SH3TC2: variants seen among roughly 807,000 people sequenced by gnomAD.
SH3TC2 encodes SH3 domain and tetratricopeptide repeat-containing protein 2.
In SH3TC2, 87 loss-of-function variants were observed where a neutral mutation model predicts 124.5. The ratio of observed to expected loss-of-function variants is 0.70; its 90% CI spans 0.59 to 0.84. The LOEUF is 0.84. Ranked by LOEUF, SH3TC2 falls within the 40% of genes least tolerant of loss-of-function variation. The probability of loss-of-function intolerance (pLI) is 0.00; values close to 1 mark genes in which losing one functional copy is unlikely to be tolerated. For missense variants in SH3TC2, 1,536 were observed against 1,566.4 expected, an observed-to-expected ratio of 0.98 and a Z score of 0.33; for synonymous variants, 634 against 628.5, an observed-to-expected ratio of 1.01 and a Z score of -0.13.
intron 7 of SH3TC2, among the ~76,000 whole-genome samples, chr5:149,039,618 A>C (rs1287562902): frequency 6.6e-6 from 1 of 152,230 alleles, no homozygotes; most frequent in African/African-American, 2.4e-5. Flanking sequence ...AAACTGTGCA[A>C]AGTGATTTAT....
chr5:149,017,402 C>G (rs77187693), intron 12 of SH3TC2, among the ~76,000 whole-genome samples: 2,371 of 152,152 alleles, frequency 0.016, 42 homozygotes, highest in Non-Finnish European at 0.024. Context: ...CTGTAGTTGT[C>G]CCCTGGAAGG....
chr5:149,030,596 T>C (rs1333532237), intron 9 of SH3TC2, among the ~76,000 whole-genome samples: 1 of 152,258 alleles, frequency 6.6e-6, no homozygotes, highest in Non-Finnish European at 1.5e-5. Flanking sequence ...GATCTGCTTG[T>C]GGCTTGTGGC....
At position 149,001,475 on chromosome 5, in the gene SH3TC2, A is replaced by AT. The variant is rs34419119; in HGVS notation, c.*3235dup. 6.6e-6 allele frequency: 1 copy of AT among 152,156 alleles called. No individual in the cohort carries two copies. The highest frequency in any genetic ancestry group is 2.4e-5 in the African/African-American group (1 of 41,414). 9.4% of individuals were successfully genotyped at this position (152,156 alleles called of 1,614,324 possible). A position where few individuals can be genotyped will look rare whatever the true frequency, so the allele number is the denominator to read the frequency against. On this transcript the variant is annotated 3_prime_UTR_variant, in exon 17 of 17. Transcript: ENST00000515425. ...GATCATGTTTGGCTATGATACACTT[A>AT]TTTTTTTAAATGTTTAAGTAGAGAC...
intron 1 of SH3TC2, among the ~76,000 whole-genome samples, chr5:149,060,192 A>G (rs1327712359): frequency 1.3e-5 from 2 of 152,222 alleles, no homozygotes; most frequent in Non-Finnish European, 2.9e-5. Flanking sequence ...TCAAACAGGC[A>G]TTGAAAATAA....
chr5:148,996,301 G>A lies in SH3TC2; in HGVS notation c.*8410C>T, dbSNP rs1293335141. On this transcript the variant is annotated 3_prime_UTR_variant, in exon 17 of 17. Transcript: ENST00000515425. Reference sequence around the variant, plus strand: ...AGAGAGAGAGAGAAACAGACAGATGGACTTTATACAACTTGGAAAGAAAGA... The same window carrying A: ...AGAGAGAGAGAGAAACAGACAGATGAACTTTATACAACTTGGAAAGAAAGA... Among the ~76,000 whole-genome samples, 1 of 151,886 alleles carries A rather than the reference G, an allele frequency of 6.6e-6. No homozygotes were observed. Among genetic ancestry groups the A allele is most frequent in the Non-Finnish European group, 1.5e-5 (1 of 67,968 alleles).
chr5:149,054,747 A>G (rs982479456), intron 1 of SH3TC2, among the ~76,000 whole-genome samples: 3 of 152,202 alleles, frequency 2.0e-5, no homozygotes, highest in African/African-American at 7.2e-5. Flanking sequence ...TCTGCAGGGC[A>G]TTTGTTCTCC....
At position 148,999,938 on chromosome 5, in the gene SH3TC2, T is replaced by C. The variant is rs1263872839; in HGVS notation, c.*4773A>G. On this transcript the variant is annotated 3_prime_UTR_variant, in exon 17 of 17. Coordinates refer to ENST00000515425, the MANE Select transcript of SH3TC2 (RefSeq NM_024577.4). ...CCTGTTCTCAGAAAACATCACCCCC[T>C]GTCCACCCTCTGGACCTTTGCTTGA... is the stretch of plus-strand genomic sequence containing the variant. Among the ~76,000 whole-genome samples the C allele has an allele frequency of 6.6e-6, 1 of 152,156 alleles. No individual in the cohort carries two copies. Among genetic ancestry groups the C allele is most frequent in the East Asian group, 1.9e-4 (1 of 5,190 alleles).
chr5:149,004,800 T>C lies in SH3TC2; in HGVS notation c.3778A>G (p.Ile1260Val). 1.2e-6 allele frequency: 2 copies of C among 1,614,116 alleles called. No homozygotes were observed. Among genetic ancestry groups the C allele is most frequent in the Non-Finnish European group, 1.7e-6 (2 of 1,180,022 alleles). The change falls in exon 17 of 17, where the codon ATC (isoleucine) becomes GTC (valine). Residue 1260 changes from isoleucine (I) to valine (V), a missense_variant. Ile to Val is a conservative substitution (Grantham distance 29). This residue lies in a region of SH3TC2 where 426 missense variants were observed against 443.5 expected (regional missense o/e 0.96). Transcript: ENST00000515425. ...CTGTGCCACAGGGGGCTCTGGCAGA[T>C]GTTGTCCAGCCTGCTCCTAATGGTG... ...QDTIRSRLDNICQSPLWHSRP... is the reference protein window; with the variant it reads ...QDTIRSRLDNVCQSPLWHSRP...
In SH3TC2 at chr5:149,005,629, C is replaced by T. The variant is rs1253524480; in HGVS notation, c.3676-727G>A. Among the ~76,000 whole-genome samples, 3 of 152,278 alleles carry T rather than the reference C, an allele frequency of 2.0e-5. No individual in the cohort carries two copies. In the East Asian group the frequency reaches 5.8e-4, roughly 29 times the overall value. The stretch of plus-strand genomic sequence containing the variant: ...AAGATGGCTAGAGGGTGCTTCACTA[C>T]CCCCGGCCCTCCCTACATGGTAAAG... On this transcript the variant is annotated intron_variant, in intron 16 of 16. Transcript: ENST00000515425.
intron 5 of SH3TC2, 22 bp downstream of exon 5, chr5:149,042,672 T>C: frequency 6.2e-7 from 1 of 1,613,994 alleles, no homozygotes; most frequent in South Asian, 1.1e-5. Flanking sequence ...AGATCCCATC[T>C]CTACCCCTAT....
chr5:149,041,750 G>C, intron 5 of SH3TC2, 133 bp from the exon 6 acceptor site: 1 of 970,866 alleles, frequency 1.0e-6, no homozygotes, highest in Non-Finnish European at 1.6e-6. Flanking sequence ...GTTTCACAGG[G>C]GAGACACTAA....
Position 149,010,564 on chromosome 5 carries a change from C to T in SH3TC2, c.3205-172G>A, listed in dbSNP as rs151330685. On this transcript the variant is annotated intron_variant, in intron 13 of 16. Transcript: ENST00000515425. Reference sequence around the variant, plus strand: ...CTGGTAAGAGGACTTTAGACATTCTCCAGTCTGGCATTTCCCCATCCTGTT... The same window carrying T: ...CTGGTAAGAGGACTTTAGACATTCTTCAGTCTGGCATTTCCCCATCCTGTT... Among the ~76,000 whole-genome samples the T allele has an allele frequency of 4.8e-3, 737 of 152,300 alleles. 11 individuals are homozygous for T. Among genetic ancestry groups the T allele is most frequent in the African/African-American group, 0.017 (709 of 41,556 alleles).
At position 149,027,620 on chromosome 5, in the gene SH3TC2, C is replaced by T; in HGVS notation, c.2112G>A (p.Met704Ile). 1 of 1,614,270 alleles carries T rather than the reference C, an allele frequency of 6.2e-7. No individual in the cohort carries two copies. The highest frequency in any genetic ancestry group is 8.5e-7 in the Non-Finnish European group (1 of 1,180,048). ...GGTGGACCTGCCAAATAGGAAGAGACATCCCTTGGGCACTCTGGATACCAT... is the reference window on the plus strand; with the variant it reads ...GGTGGACCTGCCAAATAGGAAGAGATATCCCTTGGGCACTCTGGATACCAT... ...QQHGIQSAQG[M>I]SLPIWQVHLV... The change falls in exon 11 of 17, where the codon ATG (methionine) becomes ATA (isoleucine). Residue 704 changes from methionine to isoleucine, a missense_variant. Met to Ile is a conservative substitution (Grantham distance 10). This residue lies in a region of SH3TC2 where 1,102 missense variants were observed against 1,098.6 expected (regional missense o/e 1.00). Transcript: ENST00000515425.
chr5:149,031,484 C>G, intron 9 of SH3TC2, 70 bp downstream of exon 9: 1 of 1,605,168 alleles, frequency 6.2e-7, no homozygotes, highest in Non-Finnish European at 8.5e-7. Context: ...GTATTCTATT[C>G]CTGGTTAGGG....
At chr5:149,006,386 T>G in intron 16 of SH3TC2, 2 of 193,918 alleles carry the variant, frequency 1.0e-5, no homozygotes, top group Non-Finnish European at 2.2e-5. Flanking sequence ...TCAAACATGT[T>G]AATATGCACC....
At position 148,989,998 on chromosome 5, in the gene SH3TC2, TC is replaced by T. The variant is rs1252882456; in HGVS notation, c.*14712del. Among the ~76,000 whole-genome samples the T allele has an allele frequency of 6.6e-6, 1 of 152,064 alleles. No individual in the cohort carries two copies. The highest frequency in any genetic ancestry group is 1.5e-5 in the Non-Finnish European group (1 of 68,002). On this transcript the variant is annotated 3_prime_UTR_variant, in exon 17 of 17. Transcript: ENST00000515425. ...TGTGTTTGATGGGGTGGGGGCTGCT[TC>T]TTTTCTAGGAGTCATTTCCAAGCAA...
At chr5:149,030,152 C>G (rs1215767533) in intron 9 of SH3TC2, among the ~76,000 whole-genome samples, 1 of 152,200 alleles carries the variant, frequency 6.6e-6, no homozygotes, top group African/African-American at 2.4e-5. Context: ...CCCTCTTGGG[C>G]CACCTCTTCT....
chr5:148,988,159 A>G lies in SH3TC2; in HGVS notation c.*16552T>C, dbSNP rs1320750251. On this transcript the variant is annotated 3_prime_UTR_variant, in exon 17 of 17. Coordinates refer to ENST00000515425, the MANE Select transcript of SH3TC2 (RefSeq NM_024577.4). ...CTCTATGCACACAGGCTAGAAGTTG[A>G]GTGGTGGAAGATTCAAGAGAACAAG... Among the ~76,000 whole-genome samples, 8 of 152,150 alleles carry G rather than the reference A, an allele frequency of 5.3e-5. No individual in the cohort carries two copies. The highest frequency in any genetic ancestry group is 1.9e-4 in the African/African-American group (8 of 41,410).
Position 149,013,758 on chromosome 5 carries a change from T to C in SH3TC2, c.3054-1024A>G, listed in dbSNP as rs1753823461. 3.3e-5 allele frequency among the ~76,000 whole-genome samples: 5 copies of C among 152,128 alleles called. No individual in the cohort carries two copies. The South Asian group carries it at 1.0e-3, about 31-fold the overall frequency. On this transcript the variant is annotated intron_variant, in intron 12 of 16. Transcript: ENST00000515425. ...AGGTAATATATTTTCTCACAGACGATTCAGTATTCAAAAACAAGGAAGGAA... is the reference window on the plus strand; with the variant it reads ...AGGTAATATATTTTCTCACAGACGACTCAGTATTCAAAAACAAGGAAGGAA...
Sources: allele counts gnomAD v4.1 joint callset (sites outside exome capture counted in the v4.1 genomes callset), GRCh38; gene constraint gnomAD v4.1.1; regional missense constraint gnomAD v4.1.1; transcripts MANE v1.5; gene names NCBI Gene and HGNC (gene_info 2026-07-23, HGNC 2026-07-21).